Variants in SLC25A16 observed in about 807,000 individuals in gnomAD.
SLC25A16 encodes mitochondrial coenzyme A transporter SLC25A16.
Under a neutral mutation model 41.5 loss-of-function variants are expected in SLC25A16, and 39 were observed. The ratio of observed to expected loss-of-function variants is 0.94; its 90% CI spans 0.73 to 1.23. The LOEUF (loss-of-function observed/expected upper bound fraction) is 1.23, where lower values mean the gene tolerates loss of function less well. SLC25A16 is among the 50% of genes most tolerant of loss of function. SLC25A16 has a pLI of 0.00. For synonymous variants in SLC25A16, 146 were observed against 147.8 expected (o/e 0.99, Z 0.09); for missense variants, 421 against 426.9 (o/e 0.99, Z 0.12).
At chr10:68,496,716 AC>A (rs2052754882) in intron 4 of SLC25A16, 1 of 929,988 alleles carries the variant, frequency 1.1e-6, no homozygotes, top group African/African-American at 1.8e-5. Flanking sequence ...AAACCTGAGA[AC>A]ATATTTTAAC....
rs956128437 is a variant in SLC25A16 at position 68,478,261 on chromosome 10, T to A, written c.*5171A>T. The stretch of plus-strand genomic sequence containing the variant: ...TATATCATAGTATTGTAATGGAGAT[T>A]GAGCTAAGGCATCAAAGGTGCTTAA... On this transcript the variant is annotated 3_prime_UTR_variant, in exon 9 of 9. Transcript: ENST00000609923. 6.6e-6 allele frequency: 1 copy of A among 152,206 alleles called. No homozygotes were observed. Among genetic ancestry groups the A allele is most frequent in the Non-Finnish European group, 1.5e-5 (1 of 68,038 alleles). 9.4% of individuals were successfully genotyped at this position (152,206 alleles called of 1,614,324 possible). A position where few individuals can be genotyped will look rare whatever the true frequency, so the allele number is the denominator to read the frequency against.
intron 8 of SLC25A16, 173 bp downstream of exon 8, chr10:68,486,956 CAAAAAAAAAAAAAAA>C (rs374368406): frequency 9.7e-5 from 10 of 103,112 alleles, no homozygotes; most frequent in East Asian, 5.8e-4. Context: ...GACTGCATCT[CAAAAAAAAAAAAAAA>C]AAAAAAAAAA....
rs1282238889 is a variant in SLC25A16, at chr10:68,527,330, G to C, written c.46C>G (p.Pro16Ala). Reference sequence around the variant, plus strand: ...CCTGCCGCCTGCGGCATTGCGGGAGGGGGATCGGCCGCCGCCAGGGCTGCC... The same window carrying C: ...CCTGCCGCCTGCGGCATTGCGGGAGCGGGATCGGCCGCCGCCAGGGCTGCC... ...AAAALAAADPPPAMPQAAGAG... is the reference protein window; with the variant it reads ...AAAALAAADPAPAMPQAAGAG... Residue 16 changes from proline (P) to alanine (A), a missense_variant, in exon 1 of 9, where the codon CCT becomes GCT. Physicochemically the swap from Pro to Ala is conservative, Grantham distance 27. Coordinates refer to ENST00000609923, the MANE Select transcript of SLC25A16 (RefSeq NM_152707.4). The C allele has an allele frequency of 6.5e-7, 1 of 1,537,646 alleles. No individual in the cohort carries two copies. The highest frequency in any genetic ancestry group is 2.5e-5 in the East Asian group (1 of 39,916).
At chr10:68,499,124 G>T (rs1479314909) in intron 4 of SLC25A16, among the ~76,000 whole-genome samples, 1 of 151,430 alleles carries the variant, frequency 6.6e-6, no homozygotes, top group African/African-American at 2.4e-5. Context: ...GAGGGTTGGG[G>T]GAGAGAGAGA....
intron 7 of SLC25A16, among the ~76,000 whole-genome samples, chr10:68,487,895 C>T (rs1006102568): frequency 9.2e-5 from 14 of 152,056 alleles, no homozygotes; most frequent in African/African-American, 3.4e-4. Flanking sequence ...ACTCTGTCGC[C>T]CAGGCTGGAG....
In SLC25A16 at chr10:68,493,203, T is replaced by G; in HGVS notation, c.544-5A>C. 1 of 1,575,540 alleles carries G rather than the reference T, an allele frequency of 6.3e-7. No homozygotes were observed. The highest frequency in any genetic ancestry group is 2.2e-5 in the East Asian group (1 of 44,516). ...AAATCCAAAGAAACCACCTTCCTTT[T>G]GAGTGAAGGAAAATTGCAAGTGAGA... is the stretch of plus-strand genomic sequence containing the variant. On this transcript the variant is annotated splice_polypyrimidine_tract_variant and splice_region_variant and intron_variant, in intron 5 of 8. Coordinates refer to ENST00000609923, the MANE Select transcript of SLC25A16 (RefSeq NM_152707.4).
In SLC25A16 at chr10:68,527,392, T is replaced by G; in HGVS notation, c.-17A>C. On this transcript the variant is annotated 5_prime_UTR_variant, in exon 1 of 9. Transcript: ENST00000609923. ...CGCCGCCATCAGGACCAGGGTCGCG[T>G]CAGGAGCCTAGGTTGCCAACTTACA... is the stretch of plus-strand genomic sequence containing the variant. 1 of 1,468,832 alleles carries G rather than the reference T, an allele frequency of 6.8e-7. No individual in the cohort carries two copies. Among genetic ancestry groups the G allele is most frequent in the South Asian group, 1.4e-5 (1 of 73,168 alleles). 91.0% of individuals were successfully genotyped at this position (1,468,832 alleles called of 1,614,324 possible).
intron 6 of SLC25A16, among the ~76,000 whole-genome samples, chr10:68,488,843 C>A (rs918991486): frequency 6.6e-6 from 1 of 152,030 alleles, no homozygotes; most frequent in African/African-American, 2.4e-5. Context: ...AAGTTTACTG[C>A]ACTGAAGGAG....
chr10:68,519,525 A>C (rs2053216769), intron 1 of SLC25A16, among the ~76,000 whole-genome samples: 1 of 151,886 alleles, frequency 6.6e-6, no homozygotes, highest in Non-Finnish European at 1.5e-5. Context: ...TAGCTATCCA[A>C]AATTATGGGT....
At chr10:68,501,693 G>A (rs1564918079) in intron 4 of SLC25A16, among the ~76,000 whole-genome samples, 1 of 152,192 alleles carries the variant, frequency 6.6e-6, no homozygotes, top group East Asian at 1.9e-4. Flanking sequence ...GGCTGAGGCA[G>A]GAAGATCACT....
chr10:68,524,571 C>T lies in SLC25A16; in HGVS notation c.130+2675G>A, dbSNP rs143590877. ...AATAAATAAATAAATTAGCCAGGCA[C>T]GGTGGCGAGCACCTGTAATCCCAGC... is the stretch of plus-strand genomic sequence containing the variant. On this transcript the variant is annotated intron_variant, in intron 1 of 8. Coordinates refer to ENST00000609923, the MANE Select transcript of SLC25A16 (RefSeq NM_152707.4). 2.1e-3 allele frequency among the ~76,000 whole-genome samples: 316 copies of T among 149,838 alleles called. 3 individuals carry two copies. Among genetic ancestry groups the T allele is most frequent in the South Asian group, 3.2e-3 (15 of 4,696 alleles).
rs190818479 is a variant in SLC25A16, at chr10:68,514,015, A to G, written c.223+2736T>C. On this transcript the variant is annotated intron_variant, in intron 2 of 8. Coordinates refer to ENST00000609923, the MANE Select transcript of SLC25A16 (RefSeq NM_152707.4). ...AGTTCGAGGCAGCCAACATGGCAAA[A>G]CCCTGTCTCTCTACTGAAAATACAA... Among the ~76,000 whole-genome samples the G allele has an allele frequency of 3.3e-5, 5 of 151,880 alleles. No individual in the cohort carries two copies. The East Asian group carries it at 9.7e-4, about 29-fold the overall frequency.
Position 68,496,619 on chromosome 10 carries a change from A to C in SLC25A16, c.422-3049T>G, listed in dbSNP as rs977669712. ...CTTAAGTCAAGAAACTAAGGACATA[A>C]AGATAAATCTAAACAAAGTCAGACT... is the stretch of plus-strand genomic sequence containing the variant. On this transcript the variant is annotated intron_variant, in intron 4 of 8. Coordinates refer to ENST00000609923, the MANE Select transcript of SLC25A16 (RefSeq NM_152707.4). The C allele has an allele frequency of 4.1e-6, 4 of 983,168 alleles. No individual in the cohort carries two copies. The African/African-American group carries it at 7.0e-5, about 17-fold the overall frequency. 60.9% of individuals were successfully genotyped at this position (983,168 alleles called of 1,614,324 possible).
At position 68,527,376 on chromosome 10, in the gene SLC25A16, C is replaced by G; in HGVS notation, c.-1G>C. 1 of 1,496,566 alleles carries G rather than the reference C, an allele frequency of 6.7e-7. No individual in the cohort carries two copies. The highest frequency in any genetic ancestry group is 8.9e-7 in the Non-Finnish European group (1 of 1,128,822). The allele number at this position is 1,496,566 out of a possible 1,614,324, so 92.7% of individuals were successfully genotyped here. ...CTGCCGCGGCCGTCGCCGCCGCCATCAGGACCAGGGTCGCGTCAGGAGCCT... is the reference window on the plus strand; with the variant it reads ...CTGCCGCGGCCGTCGCCGCCGCCATGAGGACCAGGGTCGCGTCAGGAGCCT... On this transcript the variant is annotated 5_prime_UTR_variant, in exon 1 of 9. Transcript: ENST00000609923.
intron 4 of SLC25A16, among the ~76,000 whole-genome samples, chr10:68,494,614 C>T (rs536595062): frequency 2.0e-5 from 3 of 149,450 alleles, no homozygotes; most frequent in Admixed American, 6.8e-5. Flanking sequence ...GGCATGCTCA[C>T]GCCTGTAGTC....
intron 1 of SLC25A16, among the ~76,000 whole-genome samples, chr10:68,525,691 G>A (rs142458817): frequency 0.11 from 17,390 of 152,108 alleles, 1,130 homozygotes; most frequent in South Asian, 0.24. Context: ...AAGCAAGAGA[G>A]ATCAGATTGT....
At chr10:68,505,149 A>C (rs2052930396) in intron 3 of SLC25A16, among the ~76,000 whole-genome samples, 1 of 152,110 alleles carries the variant, frequency 6.6e-6, no homozygotes, top group African/African-American at 2.4e-5. Flanking sequence ...ATATTTTTTA[A>C]AAAATCAGCC....
rs548475246 is a variant in SLC25A16 at position 68,496,552 on chromosome 10, C to G, written c.422-2982G>C. ...TGAGACTCAATCAAGCTGAGACTTG[C>G]TTTCAATTTTTATGAATGTGCAAAC... On this transcript the variant is annotated intron_variant, in intron 4 of 8. Transcript: ENST00000609923. 5.6e-5 allele frequency: 55 copies of G among 983,436 alleles called. No individual in the cohort carries two copies. The African/African-American group carries it at 7.7e-4, about 14-fold the overall frequency. The allele number at this position is 983,436 out of a possible 1,614,324, so 60.9% of individuals were successfully genotyped here. A position where few individuals can be genotyped will look rare whatever the true frequency, so the allele number is the denominator to read the frequency against.
At chr10:68,487,245 A>AT (rs751316142) in intron 7 of SLC25A16, 33 bp from the exon 8 acceptor site, 1 of 1,596,120 alleles carries the variant, frequency 6.3e-7, no homozygotes, top group East Asian at 2.2e-5. Context: ...AGAATTAAAA[A>AT]TTTTTGGTTT....
Sources: allele counts gnomAD v4.1 joint callset (sites outside exome capture counted in the v4.1 genomes callset), GRCh38; gene constraint gnomAD v4.1.1; transcripts MANE v1.5; gene names NCBI Gene and HGNC (gene_info 2026-07-23, HGNC 2026-07-21).